C10orf90: variants seen among roughly 807,000 people sequenced by gnomAD.
C10orf90 encodes (E2-independent) E3 ubiquitin-conjugating enzyme FATS.
C10orf90 carries 56 observed loss-of-function variants against 62.5 expected under a neutral mutation model. The ratio of observed to expected loss-of-function variants is 0.90; its 90% CI spans 0.72 to 1.12. C10orf90 has a LOEUF of 1.12. C10orf90 is among the 50% of genes most tolerant of loss of function. The probability of loss-of-function intolerance (pLI) is 0.00; values close to 1 mark genes in which losing one functional copy is unlikely to be tolerated. For synonymous variants in C10orf90, 386 were observed against 340.4 expected (o/e 1.13, Z -1.47); for missense variants, 970 against 880.4 (o/e 1.10, Z -1.29).
chr10:126,670,349 C>T lies in C10orf90; in HGVS notation c.132G>A (p.Met44Ile), dbSNP rs1216051245. The change falls in exon 1 of 10, where the codon ATG becomes ATA. Residue 44 changes from methionine to isoleucine, a missense_variant. Transcript: ENST00000488181. ...STELKNHVMV[M>I]DFVKSNWFPS... ...GAAACCAGTTACTCTTCACAAAATC[C>T]ATGACCATCACATGGTTTTTCAACT... 4.4e-6 allele frequency: 2 copies of T among 456,598 alleles called. No homozygotes were observed. Among genetic ancestry groups the T allele is most frequent in the East Asian group, 6.9e-5 (1 of 14,394 alleles). 28.3% of individuals were successfully genotyped at this position (456,598 alleles called of 1,614,324 possible).
intron 7 of C10orf90, among the ~76,000 whole-genome samples, chr10:126,434,897 A>C (rs958779778): frequency 6.6e-6 from 1 of 152,196 alleles, no homozygotes. Flanking sequence ...AGAGTGGTCT[A>C]TCTTGAACCA....
chr10:126,569,177 C>T (rs983236231), intron 2 of C10orf90, among the ~76,000 whole-genome samples: 2 of 152,144 alleles, frequency 1.3e-5, no homozygotes, highest in African/African-American at 4.8e-5. Context: ...AGCGTGGCTG[C>T]CAGGGGTGGG....
chr10:126,513,773 C>T lies in C10orf90; in HGVS notation c.405+75G>A, dbSNP rs1369396964. On this transcript the variant is annotated intron_variant, in intron 3 of 9. Coordinates refer to ENST00000488181, the MANE Select transcript of C10orf90 (RefSeq NM_001350921.2). ...AATAAAATAAAATGCAATCACATCACAAGTAGGTCAGTGATTATATTTTAT... is the reference window on the plus strand; with the variant it reads ...AATAAAATAAAATGCAATCACATCATAAGTAGGTCAGTGATTATATTTTAT... The T allele has an allele frequency of 8.8e-6, 8 of 910,610 alleles. No homozygotes were observed. The South Asian group carries it at 9.8e-5, about 11-fold the overall frequency. The allele number at this position is 910,610 out of a possible 1,614,324, so 56.4% of individuals were successfully genotyped here. A position where few individuals can be genotyped will look rare whatever the true frequency, so the allele number is the denominator to read the frequency against.
At chr10:126,657,584 A>G (rs1591180244) in intron 1 of C10orf90, among the ~76,000 whole-genome samples, 1 of 146,678 alleles carries the variant, frequency 6.8e-6, no homozygotes, top group African/African-American at 2.5e-5. Flanking sequence ...TGATATCACC[A>G]TCTTGAAAAT....
intron 2 of C10orf90, among the ~76,000 whole-genome samples, chr10:126,545,464 TA>T (rs11446250): frequency 9.3e-5 from 14 of 150,202 alleles, no homozygotes; most frequent in Admixed American, 6.6e-4. Context: ...GTCACTGATT[TA>T]AAAAAAAAAC....
chr10:126,452,246 T>C (rs1370539510), intron 7 of C10orf90, among the ~76,000 whole-genome samples: 1 of 152,182 alleles, frequency 6.6e-6, no homozygotes, highest in Non-Finnish European at 1.5e-5. Context: ...CGTATGGTTT[T>C]TTTAATGACA....
Position 126,459,171 on chromosome 10 carries a change from T to C in C10orf90, c.2057A>G (p.Glu686Gly). The C allele has an allele frequency of 5.0e-6, 8 of 1,614,152 alleles. No homozygotes were observed. Among genetic ancestry groups the C allele is most frequent in the Non-Finnish European group, 6.8e-6 (8 of 1,180,036 alleles). Residue 686 changes from glutamate to glycine, a missense_variant, in exon 7 of 10, where the codon GAA becomes GGA. Glu to Gly is a moderately conservative substitution (Grantham distance 98). Transcript: ENST00000488181. ...RKPQFISRSQ[E>G]RLKKLEHMVQ... is the part of the protein sequence containing the mutation. Reference sequence around the variant, plus strand: ...CATGTGTTCAAGCTTCTTCAGCCGTTCTTGTGAGCGAGAAATGAACTGAGG... The same window carrying C: ...CATGTGTTCAAGCTTCTTCAGCCGTCCTTGTGAGCGAGAAATGAACTGAGG...
chr10:126,457,163 AC>A (rs1859639683), intron 7 of C10orf90, among the ~76,000 whole-genome samples: 1 of 151,920 alleles, frequency 6.6e-6, no homozygotes, highest in Non-Finnish European at 1.5e-5. Context: ...CAATTTTTGT[AC>A]TTTTTGTAGA....
At chr10:126,574,264 T>C (rs1359704153) in intron 2 of C10orf90, among the ~76,000 whole-genome samples, 2 of 152,164 alleles carry the variant, frequency 1.3e-5, no homozygotes. Flanking sequence ...TGAGCACTCG[T>C]ATGTGAGACA....
At chr10:126,496,133 T>C (rs938092014) in intron 4 of C10orf90, among the ~76,000 whole-genome samples, 1 of 152,234 alleles carries the variant, frequency 6.6e-6, no homozygotes, top group Non-Finnish European at 1.5e-5. Flanking sequence ...GTCAGCCTGC[T>C]TCAGGCTTTG....
chr10:126,455,816 C>G (rs888878909), intron 7 of C10orf90, among the ~76,000 whole-genome samples: 1 of 152,192 alleles, frequency 6.6e-6, no homozygotes, highest in South Asian at 2.1e-4. Flanking sequence ...CACCCACATG[C>G]AGCACTCTTC....
At chr10:126,444,033 A>C (rs896914774) in intron 7 of C10orf90, among the ~76,000 whole-genome samples, 1 of 152,174 alleles carries the variant, frequency 6.6e-6, no homozygotes, top group Non-Finnish European at 1.5e-5. Context: ...TCAATGTAAT[A>C]AAAGCCACAT....
intron 3 of C10orf90, among the ~76,000 whole-genome samples, chr10:126,512,404 CTGTGTGTCTGTG>C (rs1863183777): frequency 4.6e-4 from 10 of 21,580 alleles, no homozygotes; most frequent in African/African-American, 7.3e-4. Context: ...GTGTGTGTGT[CTGTGTGTCTGTG>C]TGTGTGTGTG....
At chr10:126,549,620 C>A (rs951903539) in intron 2 of C10orf90, among the ~76,000 whole-genome samples, 1 of 151,946 alleles carries the variant, frequency 6.6e-6, no homozygotes, top group Non-Finnish European at 1.5e-5. Flanking sequence ...CCTTAAAAAA[C>A]TAAATATGTA....
chr10:126,486,268 A>G (rs1165368425), intron 4 of C10orf90, among the ~76,000 whole-genome samples: 1 of 152,236 alleles, frequency 6.6e-6, no homozygotes, highest in Non-Finnish European at 1.5e-5. Flanking sequence ...TACTGTGGAC[A>G]ACCACAAGCT....
intron 2 of C10orf90, among the ~76,000 whole-genome samples, chr10:126,565,932 G>A (rs1467489634): frequency 1.3e-5 from 2 of 152,296 alleles, no homozygotes; most frequent in African/African-American, 2.4e-5. Flanking sequence ...AGCCCAAATA[G>A]CGCTCCTCCA....
intron 3 of C10orf90, among the ~76,000 whole-genome samples, chr10:126,505,664 C>G (rs966163848): frequency 6.6e-6 from 1 of 152,146 alleles, no homozygotes; most frequent in African/African-American, 2.4e-5. Flanking sequence ...CAATAGAAAT[C>G]AAATGCCCAG....
chr10:126,653,104 T>A (rs1430257466), intron 1 of C10orf90, among the ~76,000 whole-genome samples: 1 of 152,230 alleles, frequency 6.6e-6, no homozygotes, highest in East Asian at 1.9e-4. Flanking sequence ...CAAGTTGCAA[T>A]CTTTTTCTGG....
intron 1 of C10orf90, among the ~76,000 whole-genome samples, chr10:126,660,036 C>A (rs890664128): frequency 6.6e-6 from 1 of 152,222 alleles, no homozygotes; most frequent in African/African-American, 2.4e-5. Flanking sequence ...CTCCAACCTA[C>A]GTGCTTTCAA....
Sources: gnomAD v4.1 joint callset for allele counts (sites outside exome capture counted in the v4.1 genomes callset) on GRCh38, gnomAD v4.1.1 for gene constraint, MANE v1.5 for transcripts, NCBI Gene and HGNC (gene_info 2026-07-23, HGNC 2026-07-21) for gene names.